Variants in CADM2 observed in about 807,000 individuals in gnomAD.
CADM2 encodes the protein cell adhesion molecule 2, also known as immunoglobulin superfamily member 4D.
A neutral mutation model predicts 49.8 loss-of-function variants in CADM2; 12 were observed. That is an observed-to-expected ratio of 0.24 (90% CI 0.15 to 0.39). The LOEUF (loss-of-function observed/expected upper bound fraction) is 0.39, where lower values mean the gene tolerates loss of function less well. Ranked by LOEUF, CADM2 falls within the 10% of genes least tolerant of loss-of-function variation. The pLI, the probability that CADM2 is intolerant of heterozygous loss-of-function variation, is 1.00. For missense variants in CADM2, 378 were observed against 492.3 expected (o/e 0.77, Z 2.20); for synonymous variants, 214 against 175.4 (o/e 1.22, Z -1.74).
intron 3 of CADM2, among the ~76,000 whole-genome samples, chr3:85,810,138 T>C (rs2072759756): frequency 6.6e-6 from 1 of 151,992 alleles, no homozygotes; most frequent in Non-Finnish European, 1.5e-5. Context: ...TTAACTAAAG[T>C]TACAGTTATG....
At chr3:85,325,070 G>A (rs1452386518) in intron 1 of CADM2, among the ~76,000 whole-genome samples, 1 of 152,226 alleles carries the variant, frequency 6.6e-6, no homozygotes, top group Non-Finnish European at 1.5e-5. Context: ...AGACAGCACA[G>A]GCTGCTTTAT....
intron 1 of CADM2, among the ~76,000 whole-genome samples, chr3:85,091,585 A>T (rs766694381): frequency 6.6e-6 from 1 of 152,138 alleles, no homozygotes; most frequent in Non-Finnish European, 1.5e-5. Flanking sequence ...TTGCTTTCAT[A>T]TGTGTATACT....
In CADM2 at chr3:85,274,274, A is replaced by G. The variant is rs181259962; in HGVS notation, c.61+314606A>G. On this transcript the variant is annotated intron_variant, in intron 1 of 9. Coordinates refer to ENST00000383699, the MANE Select transcript of CADM2 (RefSeq NM_001167675.2). ...AGTGAGGTGAGTTCAGGAGACGCAT[A>G]TAAGAAACGACAGCATGTCTAAAGC... 5.9e-5 allele frequency among the ~76,000 whole-genome samples: 9 copies of G among 151,564 alleles called. No individual in the cohort carries two copies. The East Asian group carries it at 1.2e-3, about 20-fold the overall frequency.
intron 1 of CADM2, among the ~76,000 whole-genome samples, chr3:85,261,309 T>C (rs1358761085): frequency 6.6e-6 from 1 of 152,052 alleles, no homozygotes; most frequent in Non-Finnish European, 1.5e-5. Flanking sequence ...CTAATTTTTG[T>C]ATTTTTAGTA....
intron 1 of CADM2, among the ~76,000 whole-genome samples, chr3:85,366,115 C>G (rs1372732302): frequency 6.6e-6 from 1 of 152,184 alleles, no homozygotes; most frequent in Non-Finnish European, 1.5e-5. Context: ...GTCTGTTCAT[C>G]TGGAATGTGC....
intron 1 of CADM2, among the ~76,000 whole-genome samples, chr3:85,378,955 T>C (rs540150970): frequency 1.7e-4 from 26 of 152,134 alleles, no homozygotes; most frequent in African/African-American, 6.3e-4. Context: ...AAATAAATCG[T>C]ATTGACTAGT....
chr3:85,126,778 A>G (rs1349084747), intron 1 of CADM2, among the ~76,000 whole-genome samples: 5 of 152,140 alleles, frequency 3.3e-5, no homozygotes, highest in Non-Finnish European at 7.4e-5. Context: ...GTAGATTGAT[A>G]TCATTTTTAC....
chr3:85,622,003 A>G (rs1576953717), intron 1 of CADM2, among the ~76,000 whole-genome samples: 1 of 152,344 alleles, frequency 6.6e-6, no homozygotes, highest in Non-Finnish European at 1.5e-5. Context: ...ATTTAATTTT[A>G]AAATTGGCAG....
intron 1 of CADM2, among the ~76,000 whole-genome samples, chr3:85,057,590 T>C (rs192396838): frequency 2.7e-3 from 404 of 152,264 alleles, no homozygotes; most frequent in Middle Eastern, 0.01. Flanking sequence ...ATTTTTTTCT[T>C]TGTCATTAAC....
At chr3:85,880,493 G>A (rs752033775) in intron 3 of CADM2, among the ~76,000 whole-genome samples, 4 of 151,982 alleles carry the variant, frequency 2.6e-5, no homozygotes, top group Non-Finnish European at 5.9e-5. Flanking sequence ...TCCTGCTAGA[G>A]GCAAATTATC....
intron 1 of CADM2, among the ~76,000 whole-genome samples, chr3:84,977,785 T>C (rs1009731655): frequency 4.6e-5 from 7 of 152,214 alleles, no homozygotes; most frequent in African/African-American, 1.7e-4. Context: ...TTTGTTTTCA[T>C]GCAATATTGA....
rs10640149 is a variant in CADM2, at chr3:85,131,886, T to TAA, written c.61+172229_61+172230dup. On this transcript the variant is annotated intron_variant, in intron 1 of 9. Coordinates refer to ENST00000383699, the MANE Select transcript of CADM2 (RefSeq NM_001167675.2). ...TATTAATATTAACAATGTGGCTGTATAAAAAAAAAAAACAGGTCAGTAGAG... is the reference window on the plus strand; with the variant it reads ...TATTAATATTAACAATGTGGCTGTATAAAAAAAAAAAAAACAGGTCAGTAGAG... Among the ~76,000 whole-genome samples the TAA allele has an allele frequency of 5.4e-3, 771 of 143,094 alleles. 7 individuals are homozygous for TAA. Among genetic ancestry groups the TAA allele is most frequent in the African/African-American group, 0.015 (592 of 39,286 alleles). 93.9% of individuals were successfully genotyped at this position (143,094 alleles called of 152,430 possible). A position where few individuals can be genotyped will look rare whatever the true frequency, so the allele number is the denominator to read the frequency against.
At chr3:85,643,695 G>A (rs1194178701) in intron 1 of CADM2, among the ~76,000 whole-genome samples, 1 of 152,028 alleles carries the variant, frequency 6.6e-6, no homozygotes, top group Non-Finnish European at 1.5e-5. Context: ...ATTTCTTTGT[G>A]ATACTATAAT....
chr3:85,909,839 C>G (rs770273446), intron 5 of CADM2, among the ~76,000 whole-genome samples: 1 of 152,070 alleles, frequency 6.6e-6, no homozygotes, highest in Non-Finnish European at 1.5e-5. Flanking sequence ...TTTAAAAATA[C>G]AGAAAGGGAA....
At position 85,603,309 on chromosome 3, in the gene CADM2, G is replaced by A. The variant is rs150885813; in HGVS notation, c.62-123213G>A. 1.3e-3 allele frequency among the ~76,000 whole-genome samples: 199 copies of A among 152,024 alleles called. 3 individuals carry two copies. In the East Asian group the frequency reaches 0.031, roughly 24 times the overall value. On this transcript the variant is annotated intron_variant, in intron 1 of 9. Coordinates refer to ENST00000383699, the MANE Select transcript of CADM2 (RefSeq NM_001167675.2). The stretch of plus-strand genomic sequence containing the variant: ...ACAATTCTTTTTTTGAAGGGGAGAA[G>A]GGATACAGTTGGTAGTTCTTGTTTT...
chr3:85,986,620 A>ACTGAT (rs1390257877), intron 8 of CADM2, among the ~76,000 whole-genome samples: 1 of 152,108 alleles, frequency 6.6e-6, no homozygotes, highest in East Asian at 1.9e-4. Flanking sequence ...CTACAAAAAG[A>ACTGAT]CTGATTTCTA....
chr3:85,067,348 G>A (rs1209428663), intron 1 of CADM2, among the ~76,000 whole-genome samples: 2 of 151,638 alleles, frequency 1.3e-5, no homozygotes, highest in Non-Finnish European at 2.9e-5. Context: ...ACTTTTCAAA[G>A]GAGAAACAAA....
At chr3:86,007,507 G>C (rs1037989685) in intron 8 of CADM2, among the ~76,000 whole-genome samples, 1 of 152,148 alleles carries the variant, frequency 6.6e-6, no homozygotes. Context: ...AGAATTTCAC[G>C]TGGGGATGGA....
chr3:85,608,887 GT>G (rs1170783983), intron 1 of CADM2, among the ~76,000 whole-genome samples: 6 of 151,980 alleles, frequency 3.9e-5, no homozygotes, highest in Non-Finnish European at 8.8e-5. Flanking sequence ...AGCTTTCTTG[GT>G]TTTCTTCAAT....
Sources: allele counts gnomAD v4.1 joint callset (sites outside exome capture counted in the v4.1 genomes callset), GRCh38; gene constraint gnomAD v4.1.1; transcripts MANE v1.5; gene names NCBI Gene and HGNC (gene_info 2026-07-23, HGNC 2026-07-21).